DMRT1: variants seen among roughly 807,000 people sequenced by gnomAD.
DMRT1 encodes doublesex- and mab-3-related transcription factor 1.
A neutral mutation model predicts 32.3 loss-of-function variants in DMRT1; 7 were observed. The ratio of observed to expected loss-of-function variants is 0.22; its 90% confidence interval spans 0.12 to 0.41. The LOEUF (loss-of-function observed/expected upper bound fraction) is 0.41, where lower values mean the gene tolerates loss of function less well. Ranked by LOEUF, DMRT1 falls within the 10% of genes least tolerant of loss-of-function variation. DMRT1 has a pLI of 1.00. For missense variants in DMRT1, 625 were observed against 500.5 expected (o/e 1.25, Z -2.37); for synonymous variants, 278 against 206.1 (o/e 1.35, Z -2.99).
chr9:937,968 T>TAGTTATAGTTTTAGCTCTTA (rs1818941878), intron 4 of DMRT1, among the ~76,000 whole-genome samples: 1 of 152,102 alleles, frequency 6.6e-6, no homozygotes, highest in Non-Finnish European at 1.5e-5. Context: ...AAGAGTTTTA[T>TAGTTATAGTTTTAGCTCTTA]AGTTATAGTT....
intron 2 of DMRT1, among the ~76,000 whole-genome samples, chr9:851,270 G>C (rs770704382): frequency 6.6e-6 from 1 of 151,902 alleles, no homozygotes; most frequent in African/African-American, 2.4e-5. Flanking sequence ...ACACAGTCTC[G>C]CTCTATCGCC....
At chr9:938,061 G>T (rs989139401) in intron 4 of DMRT1, among the ~76,000 whole-genome samples, 8 of 152,034 alleles carry the variant, frequency 5.3e-5, no homozygotes, top group African/African-American at 1.9e-4. Context: ...TCTTTGGTAT[G>T]TGGATATCCC....
At chr9:960,166 A>AG (rs1306514007) in intron 4 of DMRT1, among the ~76,000 whole-genome samples, 4 of 152,238 alleles carry the variant, frequency 2.6e-5, no homozygotes. Context: ...GTGTCACTGA[A>AG]GGCCTATACA....
rs376214683 is a variant in DMRT1 at position 913,557 on chromosome 9, C to G, written c.823-3206C>G. Reference sequence around the variant, plus strand: ...TTGCTATTTACATAGTTTCACTTTTCCAGTTCAGCTGGAAACTGGATGGTT... The same window carrying G: ...TTGCTATTTACATAGTTTCACTTTTGCAGTTCAGCTGGAAACTGGATGGTT... On this transcript the variant is annotated intron_variant, in intron 3 of 4. Transcript: ENST00000382276. Among the ~76,000 whole-genome samples the G allele has an allele frequency of 2.0e-5, 3 of 151,620 alleles. No individual in the cohort carries two copies. The East Asian group carries it at 5.8e-4, about 29-fold the overall frequency.
At chr9:955,978 T>C (rs367277) in intron 4 of DMRT1, among the ~76,000 whole-genome samples, 108,671 of 152,140 alleles carry the variant, frequency 0.71, 38,929 homozygotes, top group East Asian at 0.78. Context: ...GATATTTGTA[T>C]ACCCATGTTC....
chr9:901,623 G>A (rs73378439), intron 3 of DMRT1, among the ~76,000 whole-genome samples: 2,487 of 151,934 alleles, frequency 0.016, 87 homozygotes, highest in African/African-American at 0.057. Context: ...CACCGCGCCC[G>A]GCTGCCTGAC....
intron 1 of DMRT1, among the ~76,000 whole-genome samples, chr9:843,734 C>G (rs1281150258): frequency 6.6e-6 from 1 of 152,134 alleles, no homozygotes; most frequent in Non-Finnish European, 1.5e-5. Flanking sequence ...CGATGTGCTA[C>G]TTTTGATTAG....
chr9:848,905 T>C (rs1839021058), intron 2 of DMRT1, among the ~76,000 whole-genome samples: 1 of 143,268 alleles, frequency 7.0e-6, no homozygotes, highest in Non-Finnish European at 1.5e-5. Context: ...ATACGATCTT[T>C]ATGCTTTAAG....
intron 1 of DMRT1, 175 bp downstream of exon 1, chr9:842,367 T>A: frequency 2.5e-6 from 2 of 813,574 alleles, no homozygotes; most frequent in Non-Finnish European, 1.9e-6. Flanking sequence ...CCCAAGTAGC[T>A]GGGACTACAG....
At chr9:860,997 A>G (rs1164067282) in intron 2 of DMRT1, among the ~76,000 whole-genome samples, 1 of 151,342 alleles carries the variant, frequency 6.6e-6, no homozygotes, top group Non-Finnish European at 1.5e-5. Context: ...GCATGAATGC[A>G]GTGGACAGCC....
At chr9:878,200 G>GCACCC (rs1816584290) in intron 2 of DMRT1, among the ~76,000 whole-genome samples, 2 of 94,040 alleles carry the variant, frequency 2.1e-5, no homozygotes, top group Non-Finnish European at 4.1e-5. Flanking sequence ...TGCAGCTGCT[G>GCACCC]CCCCCCCCCC....
intron 4 of DMRT1, among the ~76,000 whole-genome samples, chr9:922,333 G>C (rs1249382861): frequency 6.6e-6 from 1 of 152,174 alleles, no homozygotes; most frequent in African/African-American, 2.4e-5. Context: ...GTGCCCAGAT[G>C]GAGGGTTGGC....
intron 3 of DMRT1, 52 bp from the exon 4 acceptor site, chr9:916,711 G>C: frequency 6.2e-7 from 1 of 1,600,154 alleles, no homozygotes; most frequent in Non-Finnish European, 8.6e-7. Flanking sequence ...TATTGTACTA[G>C]TTGTGACATG....
intron 3 of DMRT1, among the ~76,000 whole-genome samples, chr9:904,506 A>C (rs1399771964): frequency 1.3e-5 from 2 of 152,238 alleles, no homozygotes; most frequent in South Asian, 4.1e-4. Context: ...TTGCCAAAAA[A>C]TATCCACTGT....
chr9:875,969 G>C (rs567054291), intron 2 of DMRT1, among the ~76,000 whole-genome samples: 1 of 152,152 alleles, frequency 6.6e-6, no homozygotes, highest in Non-Finnish European at 1.5e-5. Flanking sequence ...GCAGAGCTGT[G>C]TCACCTGCCT....
At chr9:854,053 A>C (rs979651801) in intron 2 of DMRT1, among the ~76,000 whole-genome samples, 3 of 149,338 alleles carry the variant, frequency 2.0e-5, no homozygotes, top group African/African-American at 7.4e-5. Flanking sequence ...CAGGAGTTGA[A>C]CTCCTGCTTC....
At chr9:847,229 G>A (rs1052497689) in intron 2 of DMRT1, 86 bp downstream of exon 2, 2 of 1,380,500 alleles carry the variant, frequency 1.4e-6, no homozygotes, top group African/African-American at 2.8e-5. Context: ...GCTCCCCTGA[G>A]CTACATACAG....
chr9:872,983 A>G (rs1302508740), intron 2 of DMRT1, among the ~76,000 whole-genome samples: 1 of 152,208 alleles, frequency 6.6e-6, no homozygotes, highest in East Asian at 1.9e-4. Flanking sequence ...TACTCTGTTC[A>G]TGGATTCACA....
At chr9:954,948 G>A (rs1819550343) in intron 4 of DMRT1, among the ~76,000 whole-genome samples, 3 of 152,184 alleles carry the variant, frequency 2.0e-5, no homozygotes, top group Non-Finnish European at 2.9e-5. Context: ...CCGTTCGTTA[G>A]CTATTTAAAA....
Sources: allele counts gnomAD v4.1 joint callset (sites outside exome capture counted in the v4.1 genomes callset), GRCh38; gene constraint gnomAD v4.1.1; transcripts MANE v1.5; gene names NCBI Gene and HGNC (gene_info 2026-07-23, HGNC 2026-07-21).